Variants in CPEB3 observed in about 807,000 individuals in gnomAD.
CPEB3 encodes the protein cytoplasmic polyadenylation element-binding protein 3.
A neutral mutation model predicts 67.2 loss-of-function variants in CPEB3; 20 were observed. The ratio of observed to expected loss-of-function variants is 0.30; its 90% confidence interval spans 0.21 to 0.43. CPEB3 has a LOEUF of 0.43. Among genes scored for constraint, CPEB3 ranks in the 20% least tolerant of loss-of-function variants. The probability of loss-of-function intolerance (pLI) is 1.00; values close to 1 mark genes in which losing one functional copy is unlikely to be tolerated. For missense variants in CPEB3, 746 were observed against 968.6 expected (o/e 0.77, Z 3.05); for synonymous variants, 376 against 393.1 (o/e 0.96, Z 0.51).
chr10:92,209,263 G>A (rs1234029589), intron 2 of CPEB3, among the ~76,000 whole-genome samples: 2 of 152,228 alleles, frequency 1.3e-5, no homozygotes, highest in East Asian at 3.8e-4. Context: ...AATGGCTCAC[G>A]CCTATAATCC....
intron 2 of CPEB3, among the ~76,000 whole-genome samples, chr10:92,231,662 C>T (rs1285535638): frequency 1.3e-5 from 2 of 152,136 alleles, no homozygotes; most frequent in East Asian, 1.9e-4. Flanking sequence ...ACTGTATGCT[C>T]CCCTCCATCT....
intron 6 of CPEB3, among the ~76,000 whole-genome samples, chr10:92,135,490 T>C (rs930235270): frequency 6.6e-6 from 1 of 152,174 alleles, no homozygotes; most frequent in African/African-American, 2.4e-5. Context: ...AGAATGGCAA[T>C]CATTAAAATG....
chr10:92,181,157 G>C, intron 3 of CPEB3, 138 bp from the exon 4 acceptor site: 2 of 466,294 alleles, frequency 4.3e-6, no homozygotes, highest in Non-Finnish European at 7.5e-6. Context: ...AGTTACAACA[G>C]TTTTAAAAAT....
intron 8 of CPEB3, among the ~76,000 whole-genome samples, chr10:92,089,961 C>T (rs757470522): frequency 1.3e-5 from 2 of 152,120 alleles, no homozygotes; most frequent in Non-Finnish European, 2.9e-5. Context: ...TCACTTCTTG[C>T]AGTGTTGGTG....
At chr10:92,087,870 T>C (rs1459324639) in intron 8 of CPEB3, among the ~76,000 whole-genome samples, 1 of 152,062 alleles carries the variant, frequency 6.6e-6, no homozygotes. Context: ...AGGAGGAGAA[T>C]CAAACTGCCC....
Position 92,289,732 on chromosome 10 carries a change from A to AAAT in CPEB3, c.-12+1193_-12+1194insATT. The stretch of plus-strand genomic sequence containing the variant: ...CGCGTCTCTACCAAAAAAAAAAAAA[A>AAAT]ATATATATATATATATATATATATA... On this transcript the variant is annotated intron_variant, in intron 1 of 9. Coordinates refer to ENST00000265997, the MANE Select transcript of CPEB3 (RefSeq NM_014912.5). Among the ~76,000 whole-genome samples the AAAT allele has an allele frequency of 7.4e-4, 56 of 75,734 alleles. 1 individual carries two copies. Among genetic ancestry groups the AAAT allele is most frequent in the South Asian group, 5.2e-3 (14 of 2,688 alleles). The allele number at this position is 75,734 out of a possible 152,430, so 49.7% of individuals were successfully genotyped here.
chr10:92,068,206 A>G (rs1386042065), intron 9 of CPEB3, among the ~76,000 whole-genome samples: 1 of 152,156 alleles, frequency 6.6e-6, no homozygotes, highest in Non-Finnish European at 1.5e-5. Flanking sequence ...TTTTCATGAA[A>G]CACAGAGGGG....
intron 1 of CPEB3, among the ~76,000 whole-genome samples, chr10:92,284,952 T>C (rs1842460022): frequency 6.6e-6 from 1 of 152,192 alleles, no homozygotes; most frequent in Non-Finnish European, 1.5e-5. Flanking sequence ...CACCTGAGAA[T>C]AGGTAATTTA....
chr10:92,290,656 G>A lies in CPEB3; in HGVS notation c.-12+270C>T, dbSNP rs1479863612. Among the ~76,000 whole-genome samples, 4 of 152,214 alleles carry A rather than the reference G, an allele frequency of 2.6e-5. No individual in the cohort carries two copies. The South Asian group carries it at 8.3e-4, about 32-fold the overall frequency. ...AGTCCCTATTTGCCCGCCCCCTCAA[G>A]AAGAACCTCACGCACCAAACCAACC... On this transcript the variant is annotated intron_variant, in intron 1 of 9. Transcript: ENST00000265997.
At chr10:92,117,793 T>C (rs1015015114) in intron 6 of CPEB3, among the ~76,000 whole-genome samples, 10 of 152,192 alleles carry the variant, frequency 6.6e-5, no homozygotes, top group African/African-American at 9.7e-5. Flanking sequence ...ACAACTCTAC[T>C]ACCACAACTA....
At chr10:92,285,739 T>A (rs1222084584) in intron 1 of CPEB3, among the ~76,000 whole-genome samples, 1 of 152,144 alleles carries the variant, frequency 6.6e-6, no homozygotes, top group Non-Finnish European at 1.5e-5. Flanking sequence ...CTTTACCTCT[T>A]CACCTACATT....
chr10:92,224,938 T>C (rs892387781), intron 2 of CPEB3, among the ~76,000 whole-genome samples: 1 of 148,046 alleles, frequency 6.8e-6, no homozygotes, highest in South Asian at 2.1e-4. Context: ...ATATTATATA[T>C]AAATTTAAAA....
chr10:92,055,863 A>G (rs1233337264), intron 9 of CPEB3, among the ~76,000 whole-genome samples: 2 of 152,052 alleles, frequency 1.3e-5, no homozygotes, highest in Non-Finnish European at 2.9e-5. Flanking sequence ...AACAACAACA[A>G]AAAAATTAGC....
At chr10:92,216,707 G>GTGA (rs1351716435) in intron 2 of CPEB3, 17 of 1,606,334 alleles carry the variant, frequency 1.1e-5, no homozygotes, top group South Asian at 6.6e-5. Context: ...CCCCACCTGT[G>GTGA]TGATAATGGT....
intron 7 of CPEB3, among the ~76,000 whole-genome samples, chr10:92,100,204 T>C (rs1183048295): frequency 2.0e-5 from 3 of 151,948 alleles, no homozygotes; most frequent in Admixed American, 6.6e-5. Flanking sequence ...GTTTTTGTTT[T>C]CCCCCCTTGC....
chr10:92,249,895 A>T (rs1331717409), intron 1 of CPEB3, among the ~76,000 whole-genome samples: 1 of 142,552 alleles, frequency 7.0e-6, no homozygotes, highest in Non-Finnish European at 1.5e-5. Context: ...GGTGGCAGGC[A>T]CCTGTAGTCC....
At chr10:92,165,387 T>C (rs927042920) in intron 4 of CPEB3, among the ~76,000 whole-genome samples, 2 of 144,206 alleles carry the variant, frequency 1.4e-5, no homozygotes, top group Non-Finnish European at 3.0e-5. Flanking sequence ...ATTCAGCAAG[T>C]TGTCACTTTT....
Position 92,171,159 on chromosome 10 carries a change from C to A in CPEB3, c.1222+9804G>T, listed in dbSNP as rs181112657. Among the ~76,000 whole-genome samples, 943 of 152,252 alleles carry A rather than the reference C, an allele frequency of 6.2e-3. 13 individuals are homozygous for A. Among genetic ancestry groups the A allele is most frequent in the Non-Finnish European group, 9.6e-3 (655 of 68,020 alleles). On this transcript the variant is annotated intron_variant, in intron 4 of 9. Transcript: ENST00000265997. ...GTTCCTTCACAGAAGAAAGTTATGA[C>A]AAGGAATTGACCTGGACATTTCGGA...
intron 8 of CPEB3, among the ~76,000 whole-genome samples, chr10:92,091,250 G>A (rs1296491141): frequency 6.6e-6 from 1 of 152,026 alleles, no homozygotes; most frequent in Non-Finnish European, 1.5e-5. Context: ...ATTATTCTAA[G>A]TGCTTCAAAA....
Sources: gnomAD v4.1 joint callset for allele counts (sites outside exome capture counted in the v4.1 genomes callset) on GRCh38, gnomAD v4.1.1 for gene constraint, MANE v1.5 for transcripts, NCBI Gene and HGNC (gene_info 2026-07-23, HGNC 2026-07-21) for gene names.